UBE2F: variants seen among roughly 807,000 people sequenced by gnomAD.
The protein encoded by UBE2F is ubiquitin conjugating enzyme E2 F (putative).
In UBE2F, 5 loss-of-function variants were observed where a neutral mutation model predicts 29.6. The observed-to-expected ratio is 0.17, with a 90% CI of 0.09 to 0.36. The LOEUF (loss-of-function observed/expected upper bound fraction) is 0.36. Ranked by LOEUF, UBE2F falls within the 10% of genes least tolerant of loss-of-function variation. UBE2F has a pLI of 1.00. For missense variants in UBE2F, 141 were observed against 228.5 expected (o/e 0.62, Z 2.47); for synonymous variants, 66 against 81.8 (o/e 0.81, Z 1.04).
At chr2:238,035,523 G>A in intron 8 of UBE2F, 1 of 184,314 alleles carries the variant, frequency 5.4e-6, no homozygotes, top group Non-Finnish European at 1.1e-5. Context: ...TGGAAAAGAA[G>A]GGGATTTTTA....
intron 6 of UBE2F, among the ~76,000 whole-genome samples, chr2:238,026,598 T>C (rs572147375): frequency 6.6e-6 from 1 of 152,240 alleles, no homozygotes; most frequent in Admixed American, 6.5e-5. Flanking sequence ...TACGCCCGGC[T>C]AATTTTTGTA....
chr2:237,968,373 T>C (rs1454718797), intron 1 of UBE2F, among the ~76,000 whole-genome samples: 2 of 152,130 alleles, frequency 1.3e-5, no homozygotes, highest in Admixed American at 6.5e-5. Context: ...ACCAGCGTAC[T>C]CCTGTGCCGA....
At chr2:237,979,139 A>G (rs756442105) in intron 2 of UBE2F, among the ~76,000 whole-genome samples, 1 of 152,298 alleles carries the variant, frequency 6.6e-6, no homozygotes, top group African/African-American at 2.4e-5. Context: ...GAGCCATTTC[A>G]GGGTCAAGTC....
At chr2:238,016,769 T>C (rs1431119340) in intron 5 of UBE2F, 136 bp downstream of exon 5, 2 of 686,912 alleles carry the variant, frequency 2.9e-6, no homozygotes, top group Non-Finnish European at 4.9e-6. Context: ...CTTCAGTATT[T>C]TTGTGATGAA....
intron 7 of UBE2F, 75 bp from the exon 8 acceptor site, chr2:238,032,147 T>C (rs1416445454): frequency 8.3e-7 from 1 of 1,200,908 alleles, no homozygotes; most frequent in Non-Finnish European, 1.2e-6. Flanking sequence ...GCAAAGCATA[T>C]TTCTTGATCA....
chr2:238,000,480 T>G (rs2106361220), intron 4 of UBE2F, among the ~76,000 whole-genome samples: 1 of 152,372 alleles, frequency 6.6e-6, no homozygotes, highest in South Asian at 2.1e-4. Flanking sequence ...TTCACCCATG[T>G]TGTTAATCAG....
At chr2:238,021,940 T>C (rs529311088) in intron 5 of UBE2F, among the ~76,000 whole-genome samples, 1 of 152,292 alleles carries the variant, frequency 6.6e-6, no homozygotes, top group South Asian at 2.1e-4. Context: ...GACATGGCAT[T>C]ATGGGTATTG....
At chr2:238,023,801 T>C (rs2064349599) in intron 5 of UBE2F, among the ~76,000 whole-genome samples, 2 of 152,030 alleles carry the variant, frequency 1.3e-5, no homozygotes, top group Non-Finnish European at 2.9e-5. Context: ...TTACTGCAGG[T>C]TGTGGTGGGG....
intron 4 of UBE2F, among the ~76,000 whole-genome samples, chr2:238,016,272 A>AAGG (rs1042938315): frequency 6.6e-5 from 10 of 152,164 alleles, no homozygotes; most frequent in African/African-American, 2.4e-4. Flanking sequence ...GGTAGGATGC[A>AAGG]AGGAGGCCAG....
chr2:237,968,921 G>T, intron 1 of UBE2F: 1 of 816,246 alleles, frequency 1.2e-6, no homozygotes, highest in Non-Finnish European at 1.5e-6. Context: ...TATTCAGCTA[G>T]CCTCTTGACA....
intron 4 of UBE2F, 57 bp from the exon 5 acceptor site, chr2:238,016,509 T>A: frequency 6.7e-7 from 1 of 1,485,118 alleles, no homozygotes; most frequent in Non-Finnish European, 9.3e-7. Flanking sequence ...TTGCTTTTTG[T>A]TTCCTTTTTT....
intron 3 of UBE2F, among the ~76,000 whole-genome samples, chr2:237,988,560 G>A (rs978183569): frequency 1.3e-5 from 2 of 150,444 alleles, no homozygotes; most frequent in Admixed American, 6.6e-5. Context: ...AGGTTGCAGT[G>A]AGCCAAGATT....
At chr2:237,994,110 T>TTCTTC (rs1491177929) in intron 3 of UBE2F, among the ~76,000 whole-genome samples, 6 of 12,940 alleles carry the variant, frequency 4.6e-4, no homozygotes, top group East Asian at 0.036. Flanking sequence ...CTTCTTCTTC[T>TTCTTC]TTTTTTTTTT....
chr2:238,015,820 G>A (rs1183641543), intron 4 of UBE2F, among the ~76,000 whole-genome samples: 1 of 152,122 alleles, frequency 6.6e-6, no homozygotes, highest in Non-Finnish European at 1.5e-5. Flanking sequence ...ATGCTGAAGT[G>A]CCCTCTGCTG....
At chr2:238,030,048 C>T (rs917701846) in intron 6 of UBE2F, among the ~76,000 whole-genome samples, 3 of 151,924 alleles carry the variant, frequency 2.0e-5, no homozygotes, top group Admixed American at 2.0e-4. Flanking sequence ...TGGACTCAAG[C>T]AGTCCTCCAC....
rs1041893063 is a variant in UBE2F, at chr2:237,967,664, C to T, written c.-17+532C>T. 1.3e-5 allele frequency among the ~76,000 whole-genome samples: 2 copies of T among 152,186 alleles called. No homozygotes were observed. Among genetic ancestry groups the T allele is most frequent in the Non-Finnish European group, 2.9e-5 (2 of 68,034 alleles). On this transcript the variant is annotated intron_variant, in intron 1 of 9. Coordinates refer to ENST00000272930, the MANE Select transcript of UBE2F (RefSeq NM_080678.3). The surrounding 1 kb of genome is among the most constrained non-coding windows in gnomAD (Gnocchi z 6.3). ...GAGGTGAGGGGAGTGACAACTCGCG[C>T]CCGGTCCTCGTACCTGCAGCGGGAA...
chr2:238,001,588 C>T (rs574108469), intron 4 of UBE2F, among the ~76,000 whole-genome samples: 5 of 152,026 alleles, frequency 3.3e-5, no homozygotes, highest in South Asian at 2.1e-4. Flanking sequence ...GAGGCCAAGG[C>T]GGGTGGATCA....
intron 6 of UBE2F, chr2:238,028,966 T>G (rs2064502188): frequency 6.6e-6 from 1 of 152,166 alleles, no homozygotes; most frequent in South Asian, 2.1e-4. Context: ...CTTTTAAAAT[T>G]ATTTAAAATT....
intron 1 of UBE2F, among the ~76,000 whole-genome samples, chr2:237,970,708 A>C (rs2063158224): frequency 6.6e-6 from 1 of 152,148 alleles, no homozygotes; most frequent in Non-Finnish European, 1.5e-5. Flanking sequence ...TTTTGAAAAA[A>C]TTCTTTAAAT....
Sources: allele counts gnomAD v4.1 joint callset (sites outside exome capture counted in the v4.1 genomes callset), GRCh38; gene constraint gnomAD v4.1.1; non-coding constraint Gnocchi (gnomAD v3.1); transcripts MANE v1.5; gene names NCBI Gene and HGNC (gene_info 2026-07-23, HGNC 2026-07-21).